The following CSMD1 variants were observed in gnomAD, a reference collection of about 807,000 sequenced individuals.
CSMD1 encodes the protein CUB and sushi domain-containing protein 1.
A neutral mutation model predicts 417.5 loss-of-function variants in CSMD1; 213 were observed. The observed-to-expected ratio is 0.51, with a 90% confidence interval of 0.46 to 0.57. The LOEUF (loss-of-function observed/expected upper bound fraction) is 0.57, where lower values mean the gene tolerates loss of function less well. Ranked by LOEUF, CSMD1 falls within the 20% of genes least tolerant of loss-of-function variation. The pLI is 0.00. For synonymous variants in CSMD1, 2,862 were observed against 1,736.8 expected (o/e 1.65, Z -16.11); for missense variants, 6,923 against 4,529.7 (o/e 1.53, Z -15.17).
At chr8:3,476,156 A>G (rs1324912763) in intron 11 of CSMD1, among the ~76,000 whole-genome samples, 9 of 152,212 alleles carry the variant, frequency 5.9e-5, no homozygotes, top group Admixed American at 5.9e-4. Flanking sequence ...TAGCCTGCGC[A>G]ACATAGCGAG....
At chr8:3,850,941 C>CT (rs1803863123) in intron 5 of CSMD1, among the ~76,000 whole-genome samples, 1 of 152,116 alleles carries the variant, frequency 6.6e-6, no homozygotes, top group Admixed American at 6.6e-5. Flanking sequence ...AGAATTACTT[C>CT]TTTTAACTTG....
intron 33 of CSMD1, 112 bp from the exon 34 acceptor site, chr8:3,190,227 T>A: frequency 1.3e-6 from 1 of 745,620 alleles, no homozygotes; most frequent in South Asian, 1.8e-5. Context: ...GACAGAGAAT[T>A]TAATAACGAC....
rs56335600 is a variant in CSMD1 at position 4,538,357 on chromosome 8, A to T, written c.302+98985T>A. ...CTCTTCAGGTCTAACTTTTTTTTTT[A>T]AAAGGCTGGGTGCGATGGCTTATGC... On this transcript the variant is annotated intron_variant, in intron 2 of 69. Coordinates refer to ENST00000635120, the MANE Select transcript of CSMD1 (RefSeq NM_033225.6). Among the ~76,000 whole-genome samples, 1,336 of 151,490 alleles carry T rather than the reference A, an allele frequency of 8.8e-3. 18 individuals carry two copies. Among genetic ancestry groups the T allele is most frequent in the African/African-American group, 0.031 (1,273 of 41,340 alleles).
At chr8:3,267,908 T>C (rs537979764) in intron 26 of CSMD1, among the ~76,000 whole-genome samples, 1 of 151,974 alleles carries the variant, frequency 6.6e-6, no homozygotes, top group South Asian at 2.1e-4. Flanking sequence ...GGGTGGGAGA[T>C]CAAAGGGCAG....
intron 3 of CSMD1, among the ~76,000 whole-genome samples, chr8:4,315,991 C>CT (rs1310304867): frequency 6.6e-6 from 1 of 152,010 alleles, no homozygotes; most frequent in African/African-American, 2.4e-5. Context: ...ATCTTTTATT[C>CT]TTTTTTCTTT....
chr8:3,434,415 A>C (rs1380664620), intron 12 of CSMD1, among the ~76,000 whole-genome samples: 1 of 152,220 alleles, frequency 6.6e-6, no homozygotes, highest in African/African-American at 2.4e-5. Context: ...AGTTCCAGTT[A>C]ATTCAATATT....
At chr8:3,594,194 T>C (rs1026840817) in intron 8 of CSMD1, among the ~76,000 whole-genome samples, 27 of 152,096 alleles carry the variant, frequency 1.8e-4, no homozygotes, top group Middle Eastern at 3.2e-3. Flanking sequence ...TTTACGGCCG[T>C]CCCCAAATGC....
At chr8:3,663,753 AC>A (rs551031145) in intron 7 of CSMD1, among the ~76,000 whole-genome samples, 133 of 152,258 alleles carry the variant, frequency 8.7e-4, no homozygotes, top group African/African-American at 3.1e-3. Context: ...TCTGGACCGA[AC>A]CAACGTTCAC....
intron 10 of CSMD1, among the ~76,000 whole-genome samples, chr8:3,497,178 T>C (rs1796401456): frequency 1.3e-5 from 2 of 152,174 alleles, no homozygotes; most frequent in Non-Finnish European, 2.9e-5. Flanking sequence ...TACACTATAG[T>C]TTAAGTTTAA....
intron 5 of CSMD1, among the ~76,000 whole-genome samples, chr8:3,916,520 G>A (rs926338897): frequency 6.6e-6 from 1 of 152,254 alleles, no homozygotes; most frequent in South Asian, 2.1e-4. Flanking sequence ...CCTACTTAGG[G>A]ATACGCCTAG....
At chr8:4,669,394 G>T (rs1438607931) in intron 1 of CSMD1, among the ~76,000 whole-genome samples, 1 of 152,144 alleles carries the variant, frequency 6.6e-6, no homozygotes, top group Non-Finnish European at 1.5e-5. Context: ...TCATACAAAT[G>T]ATTTCTCCTC....
At chr8:3,881,947 A>G (rs2129121527) in intron 5 of CSMD1, among the ~76,000 whole-genome samples, 1 of 152,354 alleles carries the variant, frequency 6.6e-6, no homozygotes, top group South Asian at 2.1e-4. Flanking sequence ...CAGAGATTAC[A>G]GATCTGAACT....
At position 3,544,670 on chromosome 8, in the gene CSMD1, G is replaced by T. The variant is rs145301465; in HGVS notation, c.1344+30275C>A. On this transcript the variant is annotated intron_variant, in intron 10 of 69. Coordinates refer to ENST00000635120, the MANE Select transcript of CSMD1 (RefSeq NM_033225.6). ...ACAGCTTGGCCACCACTGCAGACTT[G>T]CCTGGAGCTATTCAGTGGGCAGGAG... Among the ~76,000 whole-genome samples the T allele has an allele frequency of 2.8e-3, 422 of 152,262 alleles. 2 individuals carry two copies. The highest frequency in any genetic ancestry group is 9.4e-3 in the Admixed American group (143 of 15,284).
chr8:4,354,762 G>T (rs1245006134), intron 3 of CSMD1, among the ~76,000 whole-genome samples: 6 of 151,866 alleles, frequency 4.0e-5, no homozygotes, highest in African/African-American at 9.7e-5. Flanking sequence ...TCCTTTTATA[G>T]ATTTCCCCCC....
At chr8:3,688,926 G>C (rs900193660) in intron 7 of CSMD1, among the ~76,000 whole-genome samples, 1 of 152,114 alleles carries the variant, frequency 6.6e-6, no homozygotes, top group Non-Finnish European at 1.5e-5. Flanking sequence ...GTTAAAAAAA[G>C]TGAAAATTAA....
chr8:3,801,312 C>A (rs982609657), intron 5 of CSMD1, among the ~76,000 whole-genome samples: 1 of 152,086 alleles, frequency 6.6e-6, no homozygotes, highest in African/African-American at 2.4e-5. Context: ...TTTAAATAGA[C>A]ATTTCTCCAA....
intron 3 of CSMD1, among the ~76,000 whole-genome samples, chr8:4,356,572 T>G (rs184107789): frequency 1.2e-3 from 184 of 152,350 alleles, no homozygotes; most frequent in Admixed American, 2.0e-3. Flanking sequence ...AATGTCTGTT[T>G]CAGTCCATTT....
At chr8:4,178,461 C>G (rs1439955303) in intron 3 of CSMD1, among the ~76,000 whole-genome samples, 3 of 151,116 alleles carry the variant, frequency 2.0e-5, no homozygotes, top group Non-Finnish European at 2.9e-5. Context: ...ATAACAAACC[C>G]ACAGCCAATA....
chr8:4,600,340 A>G (rs963643556), intron 2 of CSMD1, among the ~76,000 whole-genome samples: 5 of 152,210 alleles, frequency 3.3e-5, no homozygotes, highest in African/African-American at 1.2e-4. Context: ...AGTTAGTCAT[A>G]GCTATAGACT....
Sources: allele counts gnomAD v4.1 joint callset (sites outside exome capture counted in the v4.1 genomes callset), GRCh38; gene constraint gnomAD v4.1.1; transcripts MANE v1.5; gene names NCBI Gene and HGNC (gene_info 2026-07-23, HGNC 2026-07-21).